Variants in SDK1 observed in about 807,000 individuals in gnomAD.
SDK1 encodes the protein protein sidekick-1.
A neutral mutation model predicts 245.5 loss-of-function variants in SDK1; 157 were observed. The observed-to-expected ratio is 0.64, with a 90% CI of 0.56 to 0.73. The LOEUF is 0.73. Ranked by LOEUF, SDK1 falls within the 30% of genes least tolerant of loss-of-function variation. SDK1 has a pLI of 0.00. For synonymous variants in SDK1, 1,647 were observed against 1,278.5 expected (o/e 1.29, Z -6.15); for missense variants, 3,583 against 3,002.3 (o/e 1.19, Z -4.52).
chr7:3,491,293 A>G (rs1248369342), intron 1 of SDK1, among the ~76,000 whole-genome samples: 7 of 152,202 alleles, frequency 4.6e-5, no homozygotes, highest in African/African-American at 1.7e-4. Flanking sequence ...TGCTTTAAAG[A>G]CTATGAATAA....
intron 4 of SDK1, among the ~76,000 whole-genome samples, chr7:3,657,377 A>C (rs1036777621): frequency 6.6e-6 from 1 of 152,158 alleles, no homozygotes; most frequent in East Asian, 1.9e-4. Flanking sequence ...GGGAGGTAGC[A>C]TTCCCGGGTG....
chr7:4,119,806 A>C (rs1186219486), intron 25 of SDK1, among the ~76,000 whole-genome samples: 2 of 148,998 alleles, frequency 1.3e-5, no homozygotes, highest in Non-Finnish European at 3.0e-5. Flanking sequence ...ATGATTTGCC[A>C]TGAGTAAAAA....
intron 5 of SDK1, among the ~76,000 whole-genome samples, chr7:3,880,463 GCCTCT>G (rs1320606398): frequency 1.3e-5 from 2 of 151,386 alleles, no homozygotes; most frequent in East Asian, 3.9e-4. Context: ...CAACACCAGC[GCCTCT>G]CTGGAGGGCT....
intron 5 of SDK1, among the ~76,000 whole-genome samples, chr7:3,826,601 G>A (rs144762746): frequency 5.9e-5 from 9 of 152,172 alleles, no homozygotes; most frequent in Non-Finnish European, 8.8e-5. Flanking sequence ...TAGATAAAAC[G>A]AAATACACAA....
At chr7:4,174,735 G>A (rs1282121535) in intron 33 of SDK1, among the ~76,000 whole-genome samples, 1 of 152,138 alleles carries the variant, frequency 6.6e-6, no homozygotes, top group African/African-American at 2.4e-5. Flanking sequence ...CCGCCTGTCT[G>A]TACCAGACAG....
chr7:3,916,789 G>C (rs1354693238), intron 5 of SDK1, among the ~76,000 whole-genome samples: 1 of 152,142 alleles, frequency 6.6e-6, no homozygotes, highest in African/African-American at 2.4e-5. Context: ...TTACCTTCCA[G>C]CTGATAGAAG....
chr7:3,868,189 C>T (rs1027252091), intron 5 of SDK1, among the ~76,000 whole-genome samples: 7 of 152,180 alleles, frequency 4.6e-5, no homozygotes, highest in Non-Finnish European at 8.8e-5. Flanking sequence ...GGTAACCTGT[C>T]ATCACCCACT....
At chr7:3,515,633 A>G (rs918375939) in intron 1 of SDK1, among the ~76,000 whole-genome samples, 2 of 152,230 alleles carry the variant, frequency 1.3e-5, no homozygotes, top group Non-Finnish European at 2.9e-5. Flanking sequence ...TGAAGGAACA[A>G]GTAACTTTCG....
chr7:4,131,332 G>C (rs773744597), intron 27 of SDK1, among the ~76,000 whole-genome samples: 46 of 152,200 alleles, frequency 3.0e-4, no homozygotes, highest in Non-Finnish European at 5.7e-4. Context: ...GCCTGGGAGA[G>C]GGCTCAGGGG....
At chr7:3,785,067 T>G (rs1432587344) in intron 4 of SDK1, among the ~76,000 whole-genome samples, 1 of 152,200 alleles carries the variant, frequency 6.6e-6, no homozygotes, top group Non-Finnish European at 1.5e-5. Context: ...ATGGATGGAA[T>G]CAGAGAGCGT....
chr7:3,501,047 C>T (rs560392868), intron 1 of SDK1, among the ~76,000 whole-genome samples: 3 of 152,058 alleles, frequency 2.0e-5, no homozygotes, highest in Non-Finnish European at 4.4e-5. Context: ...TCTAACTTCT[C>T]TGTTAAAGGC....
intron 5 of SDK1, among the ~76,000 whole-genome samples, chr7:3,907,997 C>A (rs1412108345): frequency 4.6e-5 from 7 of 152,124 alleles, no homozygotes; most frequent in Non-Finnish European, 8.8e-5. Context: ...GGGGGTGATA[C>A]TGAACCAATA....
At chr7:3,646,542 G>C (rs545006995) in intron 4 of SDK1, among the ~76,000 whole-genome samples, 1 of 152,034 alleles carries the variant, frequency 6.6e-6, no homozygotes, top group African/African-American at 2.4e-5. Context: ...CTTACCCCAG[G>C]GCCCCCAGCC....
intron 1 of SDK1, among the ~76,000 whole-genome samples, chr7:3,406,964 C>G (rs553281825): frequency 7.2e-6 from 1 of 138,564 alleles, no homozygotes; most frequent in African/African-American, 3.2e-5. Flanking sequence ...TCTTTGTAGA[C>G]AAGATTGAAT....
In SDK1 at chr7:3,762,125, C is replaced by T. The variant is rs376870900; in HGVS notation, c.714-59325C>T. On this transcript the variant is annotated intron_variant, in intron 4 of 44. Transcript: ENST00000404826. ...TGATTCAGGAATGAGCACATAACAG[C>T]GGTTTGGGGGATTATATTTCTGCTA... Among the ~76,000 whole-genome samples, 37 of 152,254 alleles carry T rather than the reference C, an allele frequency of 2.4e-4. No homozygotes were observed. The East Asian group carries it at 5.4e-3, about 22-fold the overall frequency.
intron 5 of SDK1, among the ~76,000 whole-genome samples, chr7:3,934,115 C>G (rs1008965566): frequency 2.0e-5 from 3 of 152,230 alleles, no homozygotes; most frequent in Non-Finnish European, 4.4e-5. Context: ...AATTTCTACT[C>G]TGTGAGTTGA....
At chr7:3,433,526 T>C (rs1043385984) in intron 1 of SDK1, among the ~76,000 whole-genome samples, 1 of 152,222 alleles carries the variant, frequency 6.6e-6, no homozygotes, top group Non-Finnish European at 1.5e-5. Flanking sequence ...TTTTTCTCTT[T>C]CCCTATTTCT....
intron 21 of SDK1, 142 bp from the exon 22 acceptor site, chr7:4,079,321 A>T: frequency 9.4e-7 from 1 of 1,060,602 alleles, no homozygotes; most frequent in Non-Finnish European, 1.4e-6. Flanking sequence ...GCTGCTTCTC[A>T]CCTTCATGGT....
intron 4 of SDK1, among the ~76,000 whole-genome samples, chr7:3,656,071 A>C (rs773491197): frequency 9.2e-5 from 14 of 152,332 alleles, no homozygotes; most frequent in Non-Finnish European, 1.5e-4. Context: ...ACATGAGCAC[A>C]CATTAGTATT....
Sources: gnomAD v4.1 joint callset for allele counts (sites outside exome capture counted in the v4.1 genomes callset) on GRCh38, gnomAD v4.1.1 for gene constraint, MANE v1.5 for transcripts, NCBI Gene and HGNC (gene_info 2026-07-23, HGNC 2026-07-21) for gene names.